Variants in SETBP1 observed in about 807,000 individuals in gnomAD.
The protein encoded by SETBP1 is SET binding protein 1, also known as SET-binding protein.
Under a neutral mutation model 101.0 loss-of-function variants are expected in SETBP1, and 9 were observed. That is an observed-to-expected ratio of 0.09 (90% confidence interval 0.05 to 0.16). The LOEUF is 0.16. Among genes scored for constraint, SETBP1 ranks in the 10% least tolerant of loss-of-function variants. The pLI is 1.00. For missense variants in SETBP1, 1,858 were observed against 2,033.8 expected, an observed-to-expected ratio of 0.91 and a Z score of 1.66; for synonymous variants, 818 against 788.5, an observed-to-expected ratio of 1.04 and a Z score of -0.63.
At chr18:44,920,100 G>A (rs1038184725) in intron 3 of SETBP1, among the ~76,000 whole-genome samples, 11 of 152,116 alleles carry the variant, frequency 7.2e-5, no homozygotes, top group Admixed American at 3.3e-4. Context: ...GAAAGTCCAA[G>A]GTCAAGATGC....
intron 2 of SETBP1, among the ~76,000 whole-genome samples, chr18:44,850,515 C>T (rs1052713835): frequency 4.6e-5 from 7 of 152,014 alleles, no homozygotes; most frequent in African/African-American, 7.3e-5. Context: ...AGACTACAGG[C>T]GAACGTCACC....
intron 2 of SETBP1, among the ~76,000 whole-genome samples, chr18:44,820,941 C>A (rs1444845131): frequency 6.6e-6 from 1 of 152,154 alleles, no homozygotes; most frequent in African/African-American, 2.4e-5. Context: ...AGCTTGGGAG[C>A]CATCAAAGTA....
rs531622392 is a variant in SETBP1, at chr18:44,810,187, G to T, written c.487-59043G>T. On this transcript the variant is annotated intron_variant, in intron 2 of 5. Coordinates refer to ENST00000649279, the MANE Select transcript of SETBP1 (RefSeq NM_015559.3). Reference sequence around the variant, plus strand: ...AGTCTGCTTTATTCTCCCATATGGGGTCTCCAAAACAGGCAGCAAAGGACA... The same window carrying T: ...AGTCTGCTTTATTCTCCCATATGGGTTCTCCAAAACAGGCAGCAAAGGACA... Among the ~76,000 whole-genome samples the T allele has an allele frequency of 2.7e-3, 412 of 152,188 alleles. 2 individuals carry two copies. Among genetic ancestry groups the T allele is most frequent in the Non-Finnish European group, 4.4e-3 (296 of 68,018 alleles).
chr18:44,730,625 CTGTTGTGCCT>C (rs2069818829), intron 2 of SETBP1, among the ~76,000 whole-genome samples: 1 of 152,202 alleles, frequency 6.6e-6, no homozygotes, highest in Non-Finnish European at 1.5e-5. Flanking sequence ...CACATGCTCC[CTGTTGTGCCT>C]GTCCTCTTTT....
chr18:44,898,925 A>G (rs958157410), intron 3 of SETBP1, among the ~76,000 whole-genome samples: 1 of 152,164 alleles, frequency 6.6e-6, no homozygotes, highest in Non-Finnish European at 1.5e-5. Context: ...TTGGCTTTCC[A>G]TGTGTTTTTT....
chr18:44,894,329 CCCAAAGGAGA>C (rs1189752835), intron 3 of SETBP1, among the ~76,000 whole-genome samples: 14 of 152,118 alleles, frequency 9.2e-5, no homozygotes, highest in Non-Finnish European at 1.8e-4. Context: ...ATATGCTCCT[CCCAAAGGAGA>C]CTTGCAGTTT....
At chr18:44,772,162 A>G (rs1331044564) in intron 2 of SETBP1, among the ~76,000 whole-genome samples, 1 of 151,828 alleles carries the variant, frequency 6.6e-6, no homozygotes, top group East Asian at 1.9e-4. Context: ...ATCTTCTGTG[A>G]CCTGGGCTTT....
chr18:44,812,685 C>T (rs1568159591), intron 2 of SETBP1, among the ~76,000 whole-genome samples: 1 of 152,162 alleles, frequency 6.6e-6, no homozygotes, highest in South Asian at 2.1e-4. Context: ...GATGTCTGTG[C>T]CCCAATTGCT....
intron 4 of SETBP1, among the ~76,000 whole-genome samples, chr18:44,996,458 C>T (rs1273538722): frequency 6.6e-6 from 1 of 152,222 alleles, no homozygotes; most frequent in Non-Finnish European, 1.5e-5. Flanking sequence ...GAGTGCTTCT[C>T]TGTCCACGTG....
intron 1 of SETBP1, among the ~76,000 whole-genome samples, chr18:44,693,287 C>A (rs1473201090): frequency 6.6e-6 from 1 of 152,062 alleles, no homozygotes; most frequent in African/African-American, 2.4e-5. Context: ...TGTGCCAAGC[C>A]CTGGGGGTGA....
intron 2 of SETBP1, among the ~76,000 whole-genome samples, chr18:44,853,479 C>T (rs1166263379): frequency 6.6e-6 from 1 of 152,176 alleles, no homozygotes; most frequent in Non-Finnish European, 1.5e-5. Context: ...GACATCGAAA[C>T]ATCCCCATCC....
chr18:44,809,834 G>A (rs2071823083), intron 2 of SETBP1, among the ~76,000 whole-genome samples: 1 of 152,156 alleles, frequency 6.6e-6, no homozygotes, highest in Admixed American at 6.5e-5. Flanking sequence ...AAGAGGTTAG[G>A]AAGATTAGGA....
intron 2 of SETBP1, among the ~76,000 whole-genome samples, chr18:44,749,158 T>C (rs1384298311): frequency 6.6e-6 from 1 of 152,236 alleles, no homozygotes; most frequent in Non-Finnish European, 1.5e-5. Flanking sequence ...CCAAGGCAGA[T>C]GCATAATCAT....
At position 45,064,859 on chromosome 18, in the gene SETBP1, T is replaced by C. The variant is rs939737996; in HGVS notation, c.*1161T>C. 8 of 151,292 alleles carry C rather than the reference T, an allele frequency of 5.3e-5. No homozygotes were observed. The highest frequency in any genetic ancestry group is 1.0e-4 in the Non-Finnish European group (7 of 67,914). 9.4% of individuals were successfully genotyped at this position (151,292 alleles called of 1,614,324 possible). A position where few individuals can be genotyped will look rare whatever the true frequency, so the allele number is the denominator to read the frequency against. ...AAACACAATAGAAGTCCATTATCCC[T>C]TGATAATTATTTCTTAAAAGCAAAT... On this transcript the variant is annotated 3_prime_UTR_variant, in exon 6 of 6. Transcript: ENST00000649279.
At chr18:45,023,507 G>C (rs74497125) in intron 4 of SETBP1, among the ~76,000 whole-genome samples, 4 of 152,182 alleles carry the variant, frequency 2.6e-5, no homozygotes, top group Admixed American at 2.6e-4. Context: ...AAATTAACAC[G>C]TGCACAAAAC....
At position 44,914,839 on chromosome 18, in the gene SETBP1, G is replaced by T. The variant is rs190506003; in HGVS notation, c.541-35042G>T. 1.1e-4 allele frequency among the ~76,000 whole-genome samples: 17 copies of T among 152,202 alleles called. No individual in the cohort carries two copies. The East Asian group carries it at 3.3e-3, about 29-fold the overall frequency. ...GCTTTTGGCAGCAAGCTTTCCTGGA[G>T]CTCTATCAACCCCAAGACTCCACCC... On this transcript the variant is annotated intron_variant, in intron 3 of 5. Transcript: ENST00000649279.
chr18:44,781,417 A>G (rs1457811434), intron 2 of SETBP1, among the ~76,000 whole-genome samples: 3 of 151,864 alleles, frequency 2.0e-5, no homozygotes, highest in African/African-American at 7.3e-5. Flanking sequence ...CACCAAAGCA[A>G]CAGAATAGAG....
chr18:45,057,528 T>A (rs1395447278), intron 5 of SETBP1, among the ~76,000 whole-genome samples: 1 of 152,168 alleles, frequency 6.6e-6, no homozygotes. Context: ...GAAAAAAAGA[T>A]GTGGCCTTTG....
chr18:45,031,047 C>G (rs1316253946), intron 4 of SETBP1, among the ~76,000 whole-genome samples: 1 of 152,044 alleles, frequency 6.6e-6, no homozygotes, highest in Non-Finnish European at 1.5e-5. Context: ...TTCTTGCCTT[C>G]TGCTAGCTTT....
Sources: gnomAD v4.1 joint callset for allele counts (sites outside exome capture counted in the v4.1 genomes callset) on GRCh38, gnomAD v4.1.1 for gene constraint, MANE v1.5 for transcripts, NCBI Gene and HGNC (gene_info 2026-07-23, HGNC 2026-07-21) for gene names.